Variants in DOCK1 observed in about 807,000 individuals in gnomAD.
DOCK1 encodes the protein dedicator of cytokinesis 1.
Under a neutral mutation model 262.7 loss-of-function variants are expected in DOCK1, and 138 were observed. That is an observed-to-expected ratio of 0.53 (90% CI 0.46 to 0.61). DOCK1 has a LOEUF of 0.61. Ranked by LOEUF, DOCK1 falls within the 20% of genes least tolerant of loss-of-function variation. DOCK1 has a pLI of 0.00. For missense variants in DOCK1, 1,908 were observed against 2,370.7 expected, an observed-to-expected ratio of 0.80 and a Z score of 4.05; for synonymous variants, 866 against 867.4, an observed-to-expected ratio of 1.00 and a Z score of 0.03.
Position 127,076,267 on chromosome 10 carries a change from C to T in DOCK1, c.2445+14491C>T, listed in dbSNP as rs778138493. ...CTGTAATCCCGGCACTTTGGGAGGC[C>T]GAGGTGGGCGGATCACAAGGTCAGT... is the stretch of plus-strand genomic sequence containing the variant. On this transcript the variant is annotated intron_variant, in intron 23 of 51. Transcript: ENST00000623213. Among the ~76,000 whole-genome samples, 52 of 152,270 alleles carry T rather than the reference C, an allele frequency of 3.4e-4. 1 individual carries two copies. Among genetic ancestry groups the T allele is most frequent in the African/African-American group, 5.5e-4 (23 of 41,572 alleles).
intron 29 of DOCK1, among the ~76,000 whole-genome samples, chr10:127,330,039 A>C (rs1265769841): frequency 6.6e-6 from 1 of 152,150 alleles, no homozygotes; most frequent in Admixed American, 6.5e-5. Context: ...TTATCCTAAC[A>C]CTTGCTAACT....
At chr10:127,076,786 GC>G (rs753874884) in intron 23 of DOCK1, among the ~76,000 whole-genome samples, 1 of 152,174 alleles carries the variant, frequency 6.6e-6, no homozygotes, top group African/African-American at 2.4e-5. Flanking sequence ...TGACAGGGGG[GC>G]TCCGTCATCT....
intron 29 of DOCK1, among the ~76,000 whole-genome samples, chr10:127,336,760 C>T (rs1227230367): frequency 3.9e-5 from 6 of 152,112 alleles, no homozygotes; most frequent in South Asian, 2.1e-4. Context: ...AGGATGGTCT[C>T]AATCTCCTGA....
intron 27 of DOCK1, among the ~76,000 whole-genome samples, chr10:127,154,356 C>T (rs1239904054): frequency 1.3e-5 from 2 of 152,192 alleles, no homozygotes; most frequent in Non-Finnish European, 2.9e-5. Context: ...CCAAATCCCG[C>T]CGGGGCCTGG....
chr10:127,105,669 A>G (rs1468433849), intron 23 of DOCK1, among the ~76,000 whole-genome samples: 3 of 152,214 alleles, frequency 2.0e-5, no homozygotes, highest in South Asian at 4.1e-4. Flanking sequence ...GCCACAGGTG[A>G]TAAGTGTTGG....
chr10:126,956,865 A>G (rs1391747466), intron 1 of DOCK1, among the ~76,000 whole-genome samples: 1 of 151,574 alleles, frequency 6.6e-6, no homozygotes, highest in Non-Finnish European at 1.5e-5. Flanking sequence ...GCAGAGTTCC[A>G]GAGATTTTGC....
At chr10:126,915,653 G>A (rs972378052) in intron 1 of DOCK1, among the ~76,000 whole-genome samples, 9 of 152,166 alleles carry the variant, frequency 5.9e-5, no homozygotes, top group East Asian at 1.9e-4. Flanking sequence ...GGGTTTCACT[G>A]TGTTAGCCAG....
chr10:127,075,463 G>A (rs1347698353), intron 23 of DOCK1, among the ~76,000 whole-genome samples: 1 of 151,964 alleles, frequency 6.6e-6, no homozygotes, highest in Non-Finnish European at 1.5e-5. Flanking sequence ...GTAGAGATAT[G>A]GTTTCGTCAT....
At chr10:126,932,997 T>A in intron 1 of DOCK1, among the ~76,000 whole-genome samples, 1 of 151,678 alleles carries the variant, frequency 6.6e-6, no homozygotes, top group Middle Eastern at 3.4e-3. Context: ...TGTGGAGGAG[T>A]CTGAGGCATT....
chr10:127,079,788 G>A (rs1346210947), intron 23 of DOCK1, among the ~76,000 whole-genome samples: 1 of 152,118 alleles, frequency 6.6e-6, no homozygotes, highest in Non-Finnish European at 1.5e-5. Flanking sequence ...AAAATTAGCT[G>A]GGCGTGTAGG....
chr10:127,093,242 C>CTTTCTTTTCTTTTCTTTCTTTCTTTCTT (rs2047677186), intron 23 of DOCK1, among the ~76,000 whole-genome samples: 1 of 79,342 alleles, frequency 1.3e-5, no homozygotes, highest in African/African-American at 6.7e-5. Flanking sequence ...TTTCTTTCTT[C>CTTTCTTTTCTTTTCTTTCTTTCTTTCTT]TTTTTTTTTT....
Position 127,052,678 on chromosome 10 carries a change from T to C in DOCK1, c.2202-3T>C. On this transcript the variant is annotated splice_polypyrimidine_tract_variant and splice_region_variant and intron_variant, in intron 21 of 51. Transcript: ENST00000623213. ...TATTTGTGCGTGTTTGCATTGTGAATAGGAAGTTGACAAAAGTGTTGAAGA... is the reference window on the plus strand; with the variant it reads ...TATTTGTGCGTGTTTGCATTGTGAACAGGAAGTTGACAAAAGTGTTGAAGA... 1 of 1,614,006 alleles carries C rather than the reference T, an allele frequency of 6.2e-7. No homozygotes were observed. Among genetic ancestry groups the C allele is most frequent in the Non-Finnish European group, 8.5e-7 (1 of 1,179,904 alleles).
chr10:127,334,584 C>T (rs931444729), intron 29 of DOCK1, among the ~76,000 whole-genome samples: 4 of 152,154 alleles, frequency 2.6e-5, no homozygotes, highest in African/African-American at 9.7e-5. Flanking sequence ...ATAAAATTCA[C>T]AGGCTTCTAG....
intron 23 of DOCK1, among the ~76,000 whole-genome samples, chr10:127,073,883 T>G (rs778509187): frequency 2.6e-5 from 4 of 152,166 alleles, no homozygotes; most frequent in Non-Finnish European, 5.9e-5. Flanking sequence ...TTGCAGCTAT[T>G]CTTTGGAGCT....
chr10:127,385,133 GTATTTT>G (rs1356155772), intron 38 of DOCK1, among the ~76,000 whole-genome samples: 1 of 152,110 alleles, frequency 6.6e-6, no homozygotes, highest in Non-Finnish European at 1.5e-5. Flanking sequence ...AAAGCACCAA[GTATTTT>G]TATAACCCTT....
rs564126845 is a variant in DOCK1, at chr10:127,098,465, C to T, written c.2446-7766C>T. ...CACTGCTGCTGGTAGCTGTGGCCAA[C>T]GTCTGTTGAGCAGGAGCAATGAGTC... is the stretch of plus-strand genomic sequence containing the variant. On this transcript the variant is annotated intron_variant, in intron 23 of 51. Transcript: ENST00000623213. Among the ~76,000 whole-genome samples, 32 of 152,292 alleles carry T rather than the reference C, an allele frequency of 2.1e-4. No individual in the cohort carries two copies. In the South Asian group the frequency reaches 6.0e-3, roughly 29 times the overall value.
At chr10:126,932,865 A>C (rs923743786) in intron 1 of DOCK1, among the ~76,000 whole-genome samples, 1 of 152,146 alleles carries the variant, frequency 6.6e-6, no homozygotes. Context: ...CCCAGAGTTC[A>C]GATCAGGCCA....
intron 30 of DOCK1, among the ~76,000 whole-genome samples, chr10:127,341,871 G>T (rs1475047324): frequency 6.6e-6 from 1 of 152,198 alleles, no homozygotes; most frequent in Non-Finnish European, 1.5e-5. Flanking sequence ...GCTGCATTCT[G>T]AGAGTCACAG....
chr10:127,163,362 G>A (rs765366015), intron 27 of DOCK1, among the ~76,000 whole-genome samples: 7 of 151,950 alleles, frequency 4.6e-5, no homozygotes, highest in African/African-American at 1.2e-4. Context: ...GGAGTATACC[G>A]GGAGCTGTAG....
Sources: allele counts gnomAD v4.1 joint callset (sites outside exome capture counted in the v4.1 genomes callset), GRCh38; gene constraint gnomAD v4.1.1; transcripts MANE v1.5; gene names NCBI Gene and HGNC (gene_info 2026-07-23, HGNC 2026-07-21).